Variants in YTHDF2 observed in about 807,000 individuals in gnomAD.
The protein encoded by YTHDF2 is YTH N6-methyladenosine RNA binding protein F2.
In YTHDF2, 2 loss-of-function variants were observed where a neutral mutation model predicts 50.4. The ratio of observed to expected loss-of-function variants is 0.04; its 90% CI spans 0.02 to 0.12. The LOEUF (loss-of-function observed/expected upper bound fraction) is 0.12. Among genes scored for constraint, YTHDF2 ranks in the 10% least tolerant of loss-of-function variants. The probability of loss-of-function intolerance (pLI) is 1.00; values close to 1 mark genes in which losing one functional copy is unlikely to be tolerated. For synonymous variants in YTHDF2, 217 were observed against 255.6 expected, an observed-to-expected ratio of 0.85 and a Z score of 1.44; for missense variants, 483 against 722.6, an observed-to-expected ratio of 0.67 and a Z score of 3.80.
At chr1:28,751,961 C>T (rs778164576) in intron 4 of YTHDF2, among the ~76,000 whole-genome samples, 2 of 152,312 alleles carry the variant, frequency 1.3e-5, no homozygotes, top group East Asian at 3.9e-4. Flanking sequence ...ATAGTACACA[C>T]AGAAGCTTAG....
rs1271478813 is a variant in YTHDF2 at position 28,745,582 on chromosome 1, G to A, written c.1716+1596G>A. On this transcript the variant is annotated intron_variant, in intron 4 of 4. Transcript: ENST00000373812. Reference sequence around the variant, plus strand: ...TTCTATTAAAAGTACAAAATTAGCCGGGTGTGGTGGCACATGCCTGTAATC... The same window carrying A: ...TTCTATTAAAAGTACAAAATTAGCCAGGTGTGGTGGCACATGCCTGTAATC... Among the ~76,000 whole-genome samples the A allele has an allele frequency of 2.6e-5, 4 of 152,048 alleles. No homozygotes were observed. In the South Asian group the frequency reaches 8.3e-4, roughly 32 times the overall value.
At chr1:28,744,119 A>G (rs1336788515) in intron 4 of YTHDF2, 133 bp downstream of exon 4, 16 of 1,009,482 alleles carry the variant, frequency 1.6e-5, no homozygotes, top group Non-Finnish European at 2.1e-5. Context: ...AAGGCTTTAT[A>G]GAAGTATAAT....
Position 28,743,304 on chromosome 1 carries a change from C to G in YTHDF2, c.1034C>G (p.Ala345Gly), listed in dbSNP as rs1023001634. 1.9e-6 allele frequency: 3 copies of G among 1,614,170 alleles called. No homozygotes were observed. The highest frequency in any genetic ancestry group is 3.3e-5 in the Admixed American group (2 of 60,010). Reference protein sequence around the residue: ...QPAQLSVQQQAAQPTRWVAPR... With the variant: ...QPAQLSVQQQGAQPTRWVAPR... Reference sequence around the variant, plus strand: ...GCCCAGCTTTCAGTCCAGCAACAGGCAGCTCAGCCAACCCGCTGGGTAGCA... The same window carrying G: ...GCCCAGCTTTCAGTCCAGCAACAGGGAGCTCAGCCAACCCGCTGGGTAGCA... The change falls in exon 4 of 5, where the codon GCA becomes GGA. Residue 345 changes from alanine (A) to glycine (G), a missense_variant. This residue lies in a region of YTHDF2 where 385 missense variants were observed against 475.8 expected (regional missense o/e 0.81). Transcript: ENST00000373812. This position sits in a 1 kb window ranked among gnomAD's most constrained non-coding sequence, Gnocchi z 6.9.
chr1:28,737,864 T>A, intron 2 of YTHDF2, 182 bp downstream of exon 2: 1 of 672,318 alleles, frequency 1.5e-6, no homozygotes, highest in Non-Finnish European at 2.5e-6. Context: ...GCTTTTTCGC[T>A]AACAAGGAGT....
chr1:28,737,816 T>G, intron 2 of YTHDF2, 134 bp downstream of exon 2: 2 of 1,033,948 alleles, frequency 1.9e-6, no homozygotes, highest in Non-Finnish European at 2.8e-6. Context: ...CACTTAAGTA[T>G]TTTGACCCTT....
chr1:28,754,540 T>G (rs1329053143), intron 4 of YTHDF2, among the ~76,000 whole-genome samples: 3 of 138,122 alleles, frequency 2.2e-5, no homozygotes, highest in Non-Finnish European at 4.6e-5. Context: ...AAAAAAAAAA[T>G]TGGCCGGGCG....
chr1:28,745,733 C>CA (rs1304085275), intron 4 of YTHDF2, among the ~76,000 whole-genome samples: 2 of 121,212 alleles, frequency 1.7e-5, no homozygotes, highest in Non-Finnish European at 3.7e-5. Context: ...CGCCCCCCCC[C>CA]CCCAAAAAAA....
At chr1:28,749,227 TGTC>T (rs1048385053) in intron 4 of YTHDF2, among the ~76,000 whole-genome samples, 8 of 147,310 alleles carry the variant, frequency 5.4e-5, no homozygotes, top group Non-Finnish European at 1.2e-4. Flanking sequence ...AGTCTCGCTC[TGTC>T]GTCCAGGCGG....
chr1:28,750,268 C>T (rs139775285), intron 4 of YTHDF2, among the ~76,000 whole-genome samples: 325 of 152,232 alleles, frequency 2.1e-3, no homozygotes, highest in Middle Eastern at 0.02. Context: ...GGTTTACAGG[C>T]ATGAGCCACC....
chr1:28,757,445 A>G (rs1177523363), intron 4 of YTHDF2, among the ~76,000 whole-genome samples: 1 of 152,048 alleles, frequency 6.6e-6, no homozygotes, highest in African/African-American at 2.4e-5. Context: ...TTTCCAACTC[A>G]TTTGCACTTG....
intron 4 of YTHDF2, among the ~76,000 whole-genome samples, chr1:28,767,719 G>A (rs1018814035): frequency 1.1e-3 from 171 of 150,086 alleles, no homozygotes; most frequent in African/African-American, 3.6e-3. Flanking sequence ...CGTGTTAGCC[G>A]GGATGGTCTC....
At chr1:28,763,440 G>GT (rs941418569) in intron 4 of YTHDF2, among the ~76,000 whole-genome samples, 6 of 151,668 alleles carry the variant, frequency 4.0e-5, no homozygotes, top group African/African-American at 1.5e-4. Context: ...GGGCTGGCTA[G>GT]TTTTTTATTT....
At chr1:28,755,961 C>T (rs560723137) in intron 4 of YTHDF2, among the ~76,000 whole-genome samples, 4 of 152,186 alleles carry the variant, frequency 2.6e-5, no homozygotes, top group Non-Finnish European at 5.9e-5. Context: ...GTAGAGTACA[C>T]TTAACTCAGA....
chr1:28,758,066 AG>A (rs747573954), intron 4 of YTHDF2, among the ~76,000 whole-genome samples: 6 of 152,202 alleles, frequency 3.9e-5, no homozygotes, highest in Non-Finnish European at 8.8e-5. Flanking sequence ...TTTTGCCCCA[AG>A]GCTCTTTTTG....
rs777455396 is a variant in YTHDF2, at chr1:28,768,923, CTG to C, written c.1717-4_1717-3del. ...AACCATTTCAATTTTTTTCTTACCT[CTG>C]TAGGAACGTCAAGGTCGTGGGAAAT... On this transcript the variant is annotated splice_polypyrimidine_tract_variant and splice_region_variant and intron_variant, in intron 4 of 4. Coordinates refer to ENST00000373812, the MANE Select transcript of YTHDF2 (RefSeq NM_016258.3). The C allele has an allele frequency of 6.3e-7, 1 of 1,591,102 alleles. No homozygotes were observed. Among genetic ancestry groups the C allele is most frequent in the Non-Finnish European group, 8.6e-7 (1 of 1,167,836 alleles).
intron 4 of YTHDF2, among the ~76,000 whole-genome samples, chr1:28,745,436 AAAGT>A (rs1182807355): frequency 6.6e-6 from 1 of 152,216 alleles, no homozygotes; most frequent in Non-Finnish European, 1.5e-5. Context: ...AGTTTAACTT[AAAGT>A]CTTCCATATT....
intron 4 of YTHDF2, among the ~76,000 whole-genome samples, chr1:28,764,844 T>C (rs1367908534): frequency 6.6e-6 from 1 of 152,110 alleles, no homozygotes; most frequent in Non-Finnish European, 1.5e-5. Flanking sequence ...GTGCCAGGCC[T>C]TAATGTTTTT....
At chr1:28,768,887 AG>A in intron 4 of YTHDF2, 41 bp from the exon 5 acceptor site, 1 of 1,529,378 alleles carries the variant, frequency 6.5e-7, no homozygotes, top group Non-Finnish European at 8.9e-7. Context: ...AAGCATGTTC[AG>A]ATAATTTTTA....
chr1:28,761,129 G>GT (rs1440540368), intron 4 of YTHDF2, among the ~76,000 whole-genome samples: 4 of 35,314 alleles, frequency 1.1e-4, no homozygotes, highest in Admixed American at 4.3e-4. Context: ...GTGTGTGTGT[G>GT]TATTTTTTTT....
Sources: allele counts gnomAD v4.1 joint callset (sites outside exome capture counted in the v4.1 genomes callset), GRCh38; gene constraint gnomAD v4.1.1; regional missense constraint gnomAD v4.1.1; non-coding constraint Gnocchi (gnomAD v3.1); transcripts MANE v1.5; gene names NCBI Gene and HGNC (gene_info 2026-07-23, HGNC 2026-07-21).